The following ATP2C2 variants were observed in gnomAD, a reference collection of about 807,000 sequenced individuals.
ATP2C2 encodes the protein calcium-transporting ATPase type 2C member 2.
Under a neutral mutation model 110.8 loss-of-function variants are expected in ATP2C2, and 171 were observed. The ratio of observed to expected loss-of-function variants is 1.54; its 90% CI spans 1.36 to 1.75. The LOEUF (loss-of-function observed/expected upper bound fraction) is 1.75. Among genes scored for constraint, ATP2C2 ranks in the 40% most tolerant of loss-of-function variants. The pLI is 0.00. For missense variants in ATP2C2, 1,963 were observed against 1,235.0 expected, an observed-to-expected ratio of 1.59 and a Z score of -8.84; for synonymous variants, 804 against 508.4, an observed-to-expected ratio of 1.58 and a Z score of -7.82.
intron 1 of ATP2C2, among the ~76,000 whole-genome samples, chr16:84,369,030 C>A (rs1221044195): frequency 3.3e-5 from 5 of 152,130 alleles, no homozygotes; most frequent in African/African-American, 1.2e-4. Flanking sequence ...TTCTCTGACT[C>A]CAGAGAATTA....
Position 84,405,267 on chromosome 16 carries a change from T to C in ATP2C2, c.327+23T>C, listed in dbSNP as rs1283688836. ...CAGGTAGGACCAGAGGTGTCATTCT[T>C]TGCATTAACATGCATAAGCCAGCGA... On this transcript the variant is annotated intron_variant, in intron 3 of 26. Coordinates refer to ENST00000262429, the MANE Select transcript of ATP2C2 (RefSeq NM_014861.4). 3.8e-6 allele frequency: 6 copies of C among 1,589,196 alleles called. No homozygotes were observed. The Admixed American group carries it at 8.5e-5, about 23-fold the overall frequency.
At chr16:84,430,307 C>T (rs532715451) in intron 11 of ATP2C2, among the ~76,000 whole-genome samples, 22 of 152,256 alleles carry the variant, frequency 1.4e-4, no homozygotes, top group South Asian at 6.2e-4. Flanking sequence ...TCTACGCGAA[C>T]GGCAAAGTTG....
At chr16:84,444,276 C>T (rs1038668710) in intron 15 of ATP2C2, among the ~76,000 whole-genome samples, 3 of 150,784 alleles carry the variant, frequency 2.0e-5, no homozygotes, top group Non-Finnish European at 4.4e-5. Context: ...AGTTCAAGAC[C>T]AGCCTGGCCA....
At chr16:84,444,083 C>T (rs1723442849) in intron 15 of ATP2C2, among the ~76,000 whole-genome samples, 1 of 146,410 alleles carries the variant, frequency 6.8e-6, no homozygotes, top group Admixed American at 7.0e-5. Flanking sequence ...AGGAGGATCC[C>T]TTGAGCCCAG....
At chr16:84,436,999 T>G (rs1040026585) in intron 11 of ATP2C2, among the ~76,000 whole-genome samples, 1 of 152,118 alleles carries the variant, frequency 6.6e-6, no homozygotes, top group African/African-American at 2.4e-5. Context: ...CGACCTCAGG[T>G]GATCGAGGCG....
At chr16:84,408,530 C>A in intron 4 of ATP2C2, 36 bp downstream of exon 4, 1 of 1,542,290 alleles carries the variant, frequency 6.5e-7, no homozygotes, top group Non-Finnish European at 8.9e-7. Flanking sequence ...CCCGGGCGGG[C>A]AGCCACAGGT....
chr16:84,385,546 G>A (rs935691456), intron 1 of ATP2C2, among the ~76,000 whole-genome samples: 4 of 152,180 alleles, frequency 2.6e-5, no homozygotes, highest in Non-Finnish European at 5.9e-5. Flanking sequence ...ATTGATATCA[G>A]TAGGAATGCA....
intron 1 of ATP2C2, among the ~76,000 whole-genome samples, chr16:84,395,884 G>A (rs1336766917): frequency 6.6e-6 from 1 of 151,998 alleles, no homozygotes; most frequent in East Asian, 1.9e-4. Context: ...TGGCTCTCTG[G>A]CATTAAGTAT....
intron 1 of ATP2C2, among the ~76,000 whole-genome samples, chr16:84,375,791 C>T (rs1468187635): frequency 6.6e-6 from 1 of 152,124 alleles, no homozygotes; most frequent in Non-Finnish European, 1.5e-5. Context: ...GACAAATTTT[C>T]TTCTTTGTAA....
intron 1 of ATP2C2, among the ~76,000 whole-genome samples, chr16:84,383,760 T>TGTGTGTGTG (rs1246366949): frequency 4.4e-4 from 65 of 146,194 alleles, no homozygotes; most frequent in South Asian, 7.0e-4. Context: ...TATGTGTGTG[T>TGTGTGTGTG]TGGGGGTGGG....
intron 1 of ATP2C2, among the ~76,000 whole-genome samples, chr16:84,393,417 A>T (rs1904778793): frequency 6.6e-6 from 1 of 152,046 alleles, no homozygotes; most frequent in African/African-American, 2.4e-5. Context: ...ACGAGACTGG[A>T]CTGAGGCAGA....
chr16:84,461,617 C>A, intron 24 of ATP2C2, 97 bp from the exon 25 acceptor site: 1 of 1,101,256 alleles, frequency 9.1e-7, no homozygotes, highest in South Asian at 1.3e-5. Context: ...GGCTCCCAGC[C>A]ATGCCCCAGG....
intron 1 of ATP2C2, among the ~76,000 whole-genome samples, chr16:84,377,903 C>T (rs1197057313): frequency 6.6e-6 from 1 of 152,212 alleles, no homozygotes; most frequent in Non-Finnish European, 1.5e-5. Context: ...CCCAAGTCCT[C>T]AGGAGAAGCG....
In ATP2C2 at chr16:84,415,710, C is replaced by T. The variant is rs988692858; in HGVS notation, c.624+119C>T. Reference sequence around the variant, plus strand: ...ATACACACATGCTCAAACATACATGCACATGCATACACACAAGACAGGAAG... The same window carrying T: ...ATACACACATGCTCAAACATACATGTACATGCATACACACAAGACAGGAAG... On this transcript the variant is annotated intron_variant, in intron 7 of 26. Transcript: ENST00000262429. 8.3e-6 allele frequency: 6 copies of T among 720,466 alleles called. No individual in the cohort carries two copies. The highest frequency in any genetic ancestry group is 5.9e-5 in the Admixed American group (2 of 34,062). 44.6% of individuals were successfully genotyped at this position (720,466 alleles called of 1,614,324 possible). A position where few individuals can be genotyped will look rare whatever the true frequency, so the allele number is the denominator to read the frequency against.
At chr16:84,427,225 C>T (rs760843376) in intron 11 of ATP2C2, among the ~76,000 whole-genome samples, 1 of 152,060 alleles carries the variant, frequency 6.6e-6, no homozygotes, top group Non-Finnish European at 1.5e-5. Flanking sequence ...ATACATCAAA[C>T]CCATGATGTA....
At chr16:84,455,067 T>TAC in intron 21 of ATP2C2, 83 bp downstream of exon 21, 2 of 974,054 alleles carry the variant, frequency 2.1e-6, no homozygotes, top group Non-Finnish European at 2.9e-6. Flanking sequence ...ACTGTGGAGA[T>TAC]AGAGGGGGGG....
intron 6 of ATP2C2, among the ~76,000 whole-genome samples, chr16:84,411,775 A>G (rs961904076): frequency 6.6e-6 from 1 of 152,122 alleles, no homozygotes; most frequent in Admixed American, 6.6e-5. Flanking sequence ...TTTAATTTTA[A>G]TTTTTATTTA....
intron 23 of ATP2C2, 108 bp from the exon 24 acceptor site, chr16:84,460,546 C>G: frequency 6.6e-7 from 1 of 1,511,506 alleles, no homozygotes; most frequent in East Asian, 2.3e-5. Flanking sequence ...AATGCCTGGC[C>G]CTGCCCCCTG....
intron 4 of ATP2C2, among the ~76,000 whole-genome samples, chr16:84,408,783 C>G (rs1906012941): frequency 6.6e-6 from 1 of 152,026 alleles, no homozygotes; most frequent in Non-Finnish European, 1.5e-5. Context: ...GGGAATAGAG[C>G]CTGGGCTGTG....
Sources: allele counts gnomAD v4.1 joint callset (sites outside exome capture counted in the v4.1 genomes callset), GRCh38; gene constraint gnomAD v4.1.1; transcripts MANE v1.5; gene names NCBI Gene and HGNC (gene_info 2026-07-23, HGNC 2026-07-21).